The following PRTFDC1 variants were observed in gnomAD, a reference collection of about 807,000 sequenced individuals.
The protein encoded by PRTFDC1 is phosphoribosyl transferase domain containing 1, also known as phosphoribosyltransferase domain-containing protein 1.
Under a neutral mutation model 34.6 loss-of-function variants are expected in PRTFDC1, and 38 were observed. The ratio of observed to expected loss-of-function variants is 1.10; its 90% CI spans 0.85 to 1.44. The LOEUF (loss-of-function observed/expected upper bound fraction) is 1.44. Among genes scored for constraint, PRTFDC1 ranks in the 40% most tolerant of loss-of-function variants. PRTFDC1 has a pLI of 0.00. For missense variants in PRTFDC1, 270 were observed against 283.0 expected, an observed-to-expected ratio of 0.95 and a Z score of 0.33; for synonymous variants, 93 against 98.1, an observed-to-expected ratio of 0.95 and a Z score of 0.31.
intron 1 of PRTFDC1, among the ~76,000 whole-genome samples, chr10:24,943,990 G>T (rs1178703985): frequency 6.6e-6 from 1 of 152,112 alleles, no homozygotes; most frequent in Admixed American, 6.5e-5. Context: ...CCTTCAGAAT[G>T]GTTTGCAGTC....
rs141795189 is a variant in PRTFDC1 at position 24,937,222 on chromosome 10, A to C, written c.301T>G (p.Ser101Ala). The change falls in exon 3 of 9, where the codon TCA becomes GCA. Residue 101 changes from serine (S) to alanine (A), a missense_variant. Physicochemically the swap from Ser to Ala is moderately conservative, Grantham distance 99 (BLOSUM62 1). Coordinates refer to ENST00000320152, the MANE Select transcript of PRTFDC1 (RefSeq NM_020200.7). ...NISRNSDRFVSMKVDFIRLKS... is the reference protein window; with the variant it reads ...NISRNSDRFVAMKVDFIRLKS... ...AGTCTGATGAAATCAACCTTCATTG[A>C]GACAAATCGATCTGAATTTCGGCTG... 1.2e-5 allele frequency: 20 copies of C among 1,613,812 alleles called. No individual in the cohort carries two copies. The African/African-American group carries it at 2.4e-4, about 19-fold the overall frequency.
intron 3 of PRTFDC1, among the ~76,000 whole-genome samples, chr10:24,894,965 G>A (rs574466061): frequency 5.9e-5 from 9 of 152,306 alleles, no homozygotes; most frequent in Admixed American, 5.9e-4. Flanking sequence ...AACTCAAAGA[G>A]AGACAGAGAA....
chr10:24,937,132 C>A, intron 3 of PRTFDC1, 52 bp downstream of exon 3: 1 of 1,443,094 alleles, frequency 6.9e-7, no homozygotes, highest in South Asian at 1.3e-5. Flanking sequence ...ATTCTTTTAT[C>A]CTAAAGCATT....
At chr10:24,935,569 C>T (rs1458085746) in intron 3 of PRTFDC1, among the ~76,000 whole-genome samples, 1 of 152,154 alleles carries the variant, frequency 6.6e-6, no homozygotes, top group African/African-American at 2.4e-5. Context: ...ACCGCTGTCC[C>T]CTGGTGTACA....
At chr10:24,907,100 A>G (rs548287258) in intron 3 of PRTFDC1, among the ~76,000 whole-genome samples, 1 of 152,220 alleles carries the variant, frequency 6.6e-6, no homozygotes, top group South Asian at 2.1e-4. Context: ...TAATCCTAGC[A>G]ATTTAGGAAG....
At chr10:24,933,693 ATTT>A (rs71399941) in intron 3 of PRTFDC1, among the ~76,000 whole-genome samples, 13 of 136,016 alleles carry the variant, frequency 9.6e-5, no homozygotes, top group Non-Finnish European at 1.3e-4. Context: ...GAGTTTGGCA[ATTT>A]TTTTTTTTTT....
At chr10:24,930,110 G>T (rs1316999888) in intron 3 of PRTFDC1, among the ~76,000 whole-genome samples, 1 of 152,064 alleles carries the variant, frequency 6.6e-6, no homozygotes, top group African/African-American at 2.4e-5. Context: ...GGTAGCTCAA[G>T]GGACTGCTGA....
chr10:24,858,042 A>G (rs1847613838), intron 5 of PRTFDC1, among the ~76,000 whole-genome samples: 1 of 152,220 alleles, frequency 6.6e-6, no homozygotes, highest in Non-Finnish European at 1.5e-5. Flanking sequence ...AATTCAGGGT[A>G]AACAGAGTTC....
chr10:24,851,378 C>A lies in PRTFDC1; in HGVS notation c.630+10G>T, dbSNP rs770884635. ...AAAAGGGCGGTTAGGGATTTGCATGCAAGACTTACATTCAGATCTCTGAAG... is the reference window on the plus strand; with the variant it reads ...AAAAGGGCGGTTAGGGATTTGCATGAAAGACTTACATTCAGATCTCTGAAG... On this transcript the variant is annotated intron_variant, in intron 8 of 8. Coordinates refer to ENST00000320152, the MANE Select transcript of PRTFDC1 (RefSeq NM_020200.7). 7 of 1,595,522 alleles carry A rather than the reference C, an allele frequency of 4.4e-6. No homozygotes were observed. The South Asian group carries it at 6.9e-5, about 16-fold the overall frequency.
intron 8 of PRTFDC1, 61 bp downstream of exon 8, chr10:24,851,327 C>A: frequency 1.3e-6 from 2 of 1,575,516 alleles, no homozygotes; most frequent in Non-Finnish European, 1.7e-6. Flanking sequence ...GCATTCAATA[C>A]TTTTTTAAAT....
intron 3 of PRTFDC1, among the ~76,000 whole-genome samples, chr10:24,903,689 T>C (rs1044272484): frequency 6.6e-6 from 1 of 151,530 alleles, no homozygotes; most frequent in Non-Finnish European, 1.5e-5. Context: ...CCACTCCTTC[T>C]CAGGATGAAG....
rs534385148 is a variant in PRTFDC1 at position 24,857,547 on chromosome 10, C to G, written c.424-552G>C. 3.3e-4 allele frequency among the ~76,000 whole-genome samples: 50 copies of G among 152,224 alleles called. No individual in the cohort carries two copies. In the South Asian group the frequency reaches 6.0e-3, roughly 18 times the overall value. ...TCATCTCTGCTGATGAGCTGCTGCA[C>G]AATTAGAGGAGAATGGGCAGCGGCG... On this transcript the variant is annotated intron_variant, in intron 5 of 8. Coordinates refer to ENST00000320152, the MANE Select transcript of PRTFDC1 (RefSeq NM_020200.7).
rs991917947 is a variant in PRTFDC1, at chr10:24,922,364, G to A, written c.339+14820C>T. 2.0e-5 allele frequency among the ~76,000 whole-genome samples: 3 copies of A among 152,134 alleles called. No homozygotes were observed. The South Asian group carries it at 6.2e-4, about 32-fold the overall frequency. On this transcript the variant is annotated intron_variant, in intron 3 of 8. Coordinates refer to ENST00000320152, the MANE Select transcript of PRTFDC1 (RefSeq NM_020200.7). ...GTATATATCAGTTAAACTGATTACC[G>A]CATTGATATGGTTTGGCTCTGTGCG... is the stretch of plus-strand genomic sequence containing the variant.
intron 4 of PRTFDC1, among the ~76,000 whole-genome samples, chr10:24,860,809 A>G (rs1293628979): frequency 6.6e-6 from 1 of 152,218 alleles, no homozygotes; most frequent in African/African-American, 2.4e-5. Context: ...AATTTGCAGT[A>G]GTTACTTGAT....
At chr10:24,851,066 A>G (rs893223839) in intron 8 of PRTFDC1, among the ~76,000 whole-genome samples, 2 of 152,224 alleles carry the variant, frequency 1.3e-5, no homozygotes, top group African/African-American at 4.8e-5. Flanking sequence ...ACCAGTGTAT[A>G]GAATATTGGC....
chr10:24,879,708 A>G (rs148230559), intron 3 of PRTFDC1, among the ~76,000 whole-genome samples: 10 of 152,310 alleles, frequency 6.6e-5, no homozygotes, highest in African/African-American at 1.4e-4. Flanking sequence ...AAAAAACCCA[A>G]AAGTTTGAAA....
chr10:24,927,117 A>G (rs1476538978), intron 3 of PRTFDC1, among the ~76,000 whole-genome samples: 1 of 152,250 alleles, frequency 6.6e-6, no homozygotes, highest in African/African-American at 2.4e-5. Flanking sequence ...TAACTATCTC[A>G]GAGTAAACTT....
At position 24,855,477 on chromosome 10, in the gene PRTFDC1, A is replaced by G. The variant is rs1270132415; in HGVS notation, c.507-113T>C. 2.4e-6 allele frequency: 3 copies of G among 1,248,710 alleles called. No individual in the cohort carries two copies. In the Admixed American group the frequency reaches 5.4e-5, roughly 22 times the overall value. 77.4% of individuals were successfully genotyped at this position (1,248,710 alleles called of 1,614,324 possible). On this transcript the variant is annotated intron_variant, in intron 6 of 8. Coordinates refer to ENST00000320152, the MANE Select transcript of PRTFDC1 (RefSeq NM_020200.7). The stretch of plus-strand genomic sequence containing the variant: ...GAAATACATATTTTGCTACTGTGGC[A>G]CTATATAGATGGTTCTGGATAAAAA...
intron 3 of PRTFDC1, among the ~76,000 whole-genome samples, chr10:24,891,067 A>G (rs1013072791): frequency 1.3e-5 from 2 of 152,182 alleles, no homozygotes; most frequent in Non-Finnish European, 2.9e-5. Flanking sequence ...CCCAAATCCA[A>G]TGTACTTTGG....
Sources: allele counts gnomAD v4.1 joint callset (sites outside exome capture counted in the v4.1 genomes callset), GRCh38; gene constraint gnomAD v4.1.1; transcripts MANE v1.5; gene names NCBI Gene and HGNC (gene_info 2026-07-23, HGNC 2026-07-21).